HERC2: variants seen among roughly 807,000 people sequenced by gnomAD.
HERC2 encodes the protein HECT and RLD domain containing E3 ubiquitin protein ligase 2.
In HERC2, 102 loss-of-function variants were observed where a neutral mutation model predicts 537.7. That is an observed-to-expected ratio of 0.19 (90% confidence interval 0.16 to 0.22). HERC2 has a LOEUF of 0.22. Ranked by LOEUF, HERC2 falls within the 10% of genes least tolerant of loss-of-function variation. The probability of loss-of-function intolerance (pLI) is 1.00; values close to 1 mark genes in which losing one functional copy is unlikely to be tolerated. For synonymous variants in HERC2, 2,224 were observed against 2,466.2 expected (o/e 0.90, Z 2.91); for missense variants, 4,236 against 6,198.2 (o/e 0.68, Z 10.63).
At chr15:28,170,753 T>C (rs1894614133) in intron 65 of HERC2, among the ~76,000 whole-genome samples, 1 of 151,170 alleles carries the variant, frequency 6.6e-6, no homozygotes, top group African/African-American at 2.4e-5. Flanking sequence ...AACACACATC[T>C]GCCAAAGGAC....
At chr15:28,246,183 C>T in intron 22 of HERC2, 117 bp from the exon 23 acceptor site, 1 of 657,056 alleles carries the variant, frequency 1.5e-6, no homozygotes, top group Non-Finnish European at 2.5e-6. Context: ...TGTCCTTTAG[C>T]ATATTTCTAA....
At position 28,268,159 on chromosome 15, in the gene HERC2, G is replaced by A. The variant is rs1164984235; in HGVS notation, c.1598+306C>T. Among the ~76,000 whole-genome samples the A allele has an allele frequency of 6.6e-6, 1 of 152,172 alleles. No individual in the cohort carries two copies. Among genetic ancestry groups the A allele is most frequent in the Non-Finnish European group, 1.5e-5 (1 of 68,028 alleles). On this transcript the variant is annotated intron_variant, in intron 12 of 92. Transcript: ENST00000261609. The surrounding 1 kb of genome is among the most constrained non-coding windows in gnomAD (Gnocchi z 4.7). ...CAGGGTGAACTGTTTGTGAATGAAG[G>A]AACAGTGGTGTGGGATTTGTTTTGG...
intron 70 of HERC2, among the ~76,000 whole-genome samples, chr15:28,148,404 C>T (rs935930656): frequency 3.9e-5 from 6 of 152,096 alleles, no homozygotes; most frequent in Admixed American, 1.3e-4. Context: ...CCAACATTAA[C>T]TCTAAAAGGC....
In HERC2 at chr15:28,176,076, C is replaced by T. The variant is rs1463013904; in HGVS notation, c.9686+352G>A. Among the ~76,000 whole-genome samples the T allele has an allele frequency of 6.6e-6, 1 of 152,188 alleles. No homozygotes were observed. The highest frequency in any genetic ancestry group is 1.5e-5 in the Non-Finnish European group (1 of 68,034). ...TGCATATTAATAAAATAAGCTTTTACAAGAAACACATGTTAACTTTTTCAG... is the reference window on the plus strand; with the variant it reads ...TGCATATTAATAAAATAAGCTTTTATAAGAAACACATGTTAACTTTTTCAG... On this transcript the variant is annotated intron_variant, in intron 63 of 92. Transcript: ENST00000261609. The surrounding 1 kb of genome is among the most constrained non-coding windows in gnomAD (Gnocchi z 5.0).
chr15:28,167,855 G>C (rs527355954), intron 67 of HERC2, 28 bp from the exon 68 acceptor site: 2 of 1,577,482 alleles, frequency 1.3e-6, no homozygotes, highest in South Asian at 1.2e-5. Flanking sequence ...AGTAGGGGAA[G>C]TTTAAGTGGA....
chr15:28,256,133 G>A lies in HERC2; in HGVS notation c.2702C>T (p.Ala901Val), dbSNP rs779731157. ...AGAGAGTGCCCGGGCCCGCTCCTCC[G>A]CGGTGGGCAGCAGCACGGACCAGCC... ...QSGWSVLLPTAEERARALSAL... is the reference protein window; with the variant it reads ...QSGWSVLLPTVEERARALSAL... The change falls in exon 18 of 93, where the codon GCG (alanine) becomes GTG (valine). Residue 901 changes from alanine (A) to valine (V), a missense_variant. This residue lies in a region of HERC2 where 754 missense variants were observed against 1,085.0 expected (regional missense o/e 0.69). Transcript: ENST00000261609. 3.7e-6 allele frequency: 6 copies of A among 1,601,660 alleles called. No individual in the cohort carries two copies. The highest frequency in any genetic ancestry group is 1.6e-4 in the Middle Eastern group (1 of 6,078).
In HERC2 at chr15:28,212,085, C is replaced by A. The variant is rs534791350; in HGVS notation, c.6925+360G>T. Among the ~76,000 whole-genome samples, 355 of 152,302 alleles carry A rather than the reference C, an allele frequency of 2.3e-3. 4 individuals are homozygous for A. Among genetic ancestry groups the A allele is most frequent in the African/African-American group, 8.3e-3 (346 of 41,582 alleles). On this transcript the variant is annotated intron_variant, in intron 43 of 92. Transcript: ENST00000261609. ...CCGGGACAGAGGCCCCTGGATCCGG[C>A]AGAGAACAGGCTGTGAGCCATGGTC...
At position 28,209,643 on chromosome 15, in the gene HERC2, T is replaced by G. The variant is rs149382677; in HGVS notation, c.7069+1359A>C. Among the ~76,000 whole-genome samples, 548 of 152,300 alleles carry G rather than the reference T, an allele frequency of 3.6e-3. 7 individuals carry two copies. The highest frequency in any genetic ancestry group is 0.012 in the African/African-American group (512 of 41,562). ...CAGGCATGAGCCACCGCGCCAGGCC[T>G]ATATATCATTTATATTTTTAAAGTA... On this transcript the variant is annotated intron_variant, in intron 44 of 92. Coordinates refer to ENST00000261609, the MANE Select transcript of HERC2 (RefSeq NM_004667.6).
Position 28,234,055 on chromosome 15 carries a change from G to A in HERC2, c.4218+15C>T. The A allele has an allele frequency of 1.4e-6, 1 of 691,000 alleles. No individual in the cohort carries two copies. The highest frequency in any genetic ancestry group is 1.6e-5 in the South Asian group (1 of 63,504). The allele number at this position is 691,000 out of a possible 1,614,324, so 42.8% of individuals were successfully genotyped here. A position where few individuals can be genotyped will look rare whatever the true frequency, so the allele number is the denominator to read the frequency against. On this transcript the variant is annotated intron_variant, in intron 27 of 92. Coordinates refer to ENST00000261609, the MANE Select transcript of HERC2 (RefSeq NM_004667.6). ...ACAGAGCACTGAGGTGGCAGTGGGG[G>A]CAGGCCTAGCTCACCTTCACGTTGT...
intron 69 of HERC2, among the ~76,000 whole-genome samples, chr15:28,155,149 T>C (rs995993186): frequency 6.6e-6 from 1 of 152,166 alleles, no homozygotes; most frequent in African/African-American, 2.4e-5. Context: ...CCACATTTTC[T>C]TAATCCAGTC....
chr15:28,156,244 G>A (rs1172095494), intron 69 of HERC2, among the ~76,000 whole-genome samples: 17 of 152,152 alleles, frequency 1.1e-4, no homozygotes, highest in South Asian at 6.2e-4. Context: ...TTGGCAATGC[G>A]GGCTCTTTTT....
At chr15:28,183,859 A>T (rs1319042160) in intron 56 of HERC2, among the ~76,000 whole-genome samples, 6 of 152,226 alleles carry the variant, frequency 3.9e-5, no homozygotes, top group Admixed American at 2.0e-4. Context: ...TAAGCACAAA[A>T]TATTGAAATA....
At chr15:28,162,980 G>A (rs1893768607) in intron 69 of HERC2, 114 bp downstream of exon 69, 4 of 884,196 alleles carry the variant, frequency 4.5e-6, no homozygotes, top group Non-Finnish European at 7.0e-6. Flanking sequence ...CAGTCTACTA[G>A]GATGAAACCC....
In HERC2 at chr15:28,146,265, G is replaced by C. The variant is rs1434358188; in HGVS notation, c.10980C>G (p.Gly3660=). 6.2e-7 allele frequency: 1 copy of C among 1,613,872 alleles called. No homozygotes were observed. Among genetic ancestry groups the C allele is most frequent in the African/African-American group, 1.3e-5 (1 of 74,976 alleles). ...ACCGCACGGAGACGATCCTGTTGAC[G>C]CCGTCCATGACTGTGAGAGGGTCGT... ...RRHDPLTVMD[G]VNRIVSVRSG... is the part of the protein sequence containing the mutation. The change falls in exon 71 of 93, where the codon GGC becomes GGG. Residue 3660 remains glycine, a synonymous_variant. Transcript: ENST00000261609.
intron 72 of HERC2, 90 bp downstream of exon 72, chr15:28,144,583 A>G (rs1272363181): frequency 1.3e-6 from 2 of 1,557,182 alleles, no homozygotes; most frequent in Non-Finnish European, 1.8e-6. Flanking sequence ...GCTGTCAGGC[A>G]CTACGTGGAC....
chr15:28,311,119 T>A (rs1425098924), intron 2 of HERC2, among the ~76,000 whole-genome samples: 1 of 70,100 alleles, frequency 1.4e-5, no homozygotes. Context: ...TTACCAAGGG[T>A]CCAAAAAAGA....
chr15:28,124,763 T>C (rs1889292316), intron 84 of HERC2, among the ~76,000 whole-genome samples: 1 of 152,236 alleles, frequency 6.6e-6, no homozygotes. Context: ...TTGTCCAGGC[T>C]GGTCCTGAAC....
chr15:28,177,494 G>T lies in HERC2; in HGVS notation c.9179C>A (p.Thr3060Lys). ...CACTTTTCCATCGACAGTTAAAGCC[G>T]TCGCGTGCCGGCCACCTGCAACATT... ...VAVHSGGRHATALTVDGKVFS... is the reference protein window; with the variant it reads ...VAVHSGGRHAKALTVDGKVFS... The change falls in exon 60 of 93, where the codon ACG becomes AAG. Residue 3060 changes from threonine to lysine, a missense_variant. Physicochemically the swap from Thr to Lys is moderately conservative, Grantham distance 78. This residue lies in a region of HERC2 where 606 missense variants were observed against 884.5 expected (regional missense o/e 0.69). Coordinates refer to ENST00000261609, the MANE Select transcript of HERC2 (RefSeq NM_004667.6). This position sits in a 1 kb window ranked among gnomAD's most constrained non-coding sequence, Gnocchi z 5.0. The T allele has an allele frequency of 6.2e-7, 1 of 1,614,168 alleles. No individual in the cohort carries two copies. The highest frequency in any genetic ancestry group is 1.1e-5 in the South Asian group (1 of 91,086).
rs756179048 is a variant in HERC2, at chr15:28,196,237, T to G, written c.8238A>C (p.Thr2746=). 6.5e-6 allele frequency: 9 copies of G among 1,381,830 alleles called. No individual in the cohort carries two copies. Among genetic ancestry groups the G allele is most frequent in the Non-Finnish European group, 9.0e-6 (9 of 1,004,978 alleles). 85.6% of individuals were successfully genotyped at this position (1,381,830 alleles called of 1,614,324 possible). The change falls in exon 52 of 93, where the codon ACA becomes ACC. Residue 2746 remains threonine, a synonymous_variant. Coordinates refer to ENST00000261609, the MANE Select transcript of HERC2 (RefSeq NM_004667.6). ...TACCTGGTTCATTTATTCTGCCAAA[T>G]GTATGCCTGGTATTGTGTTTTTTGG... The part of the protein sequence containing the change: ...FKTKKHNTRH[T]FGRINEPGQS...
Sources: allele counts gnomAD v4.1 joint callset (sites outside exome capture counted in the v4.1 genomes callset), GRCh38; gene constraint gnomAD v4.1.1; regional missense constraint gnomAD v4.1.1; non-coding constraint Gnocchi (gnomAD v3.1); transcripts MANE v1.5; gene names NCBI Gene and HGNC (gene_info 2026-07-23, HGNC 2026-07-21).